The following GABRA2 variants were observed in gnomAD, a reference collection of about 807,000 sequenced individuals.
The protein encoded by GABRA2 is gamma-aminobutyric acid type A receptor subunit alpha2.
In GABRA2, 16 loss-of-function variants were observed where a neutral mutation model predicts 48.7. The observed-to-expected ratio is 0.33, with a 90% confidence interval of 0.22 to 0.50. The LOEUF (loss-of-function observed/expected upper bound fraction) is 0.50. Among genes scored for constraint, GABRA2 ranks in the 20% least tolerant of loss-of-function variants. The probability of loss-of-function intolerance (pLI) is 0.98; values close to 1 mark genes in which losing one functional copy is unlikely to be tolerated. For synonymous variants in GABRA2, 185 were observed against 184.5 expected, an observed-to-expected ratio of 1.00 and a Z score of -0.02; for missense variants, 275 against 535.6, an observed-to-expected ratio of 0.51 and a Z score of 4.80.
At chr4:46,302,199 G>C (rs1431227000) in intron 8 of GABRA2, among the ~76,000 whole-genome samples, 1 of 151,768 alleles carries the variant, frequency 6.6e-6, no homozygotes, top group East Asian at 1.9e-4. Flanking sequence ...CTCCCAAGTA[G>C]TGGCAACTAT....
intron 7 of GABRA2, among the ~76,000 whole-genome samples, chr4:46,304,472 T>C (rs1366090783): frequency 6.6e-6 from 1 of 152,002 alleles, no homozygotes; most frequent in African/African-American, 2.4e-5. Flanking sequence ...TTTGTTTTTG[T>C]TTTTTTGTCT....
At chr4:46,262,956 AAGAGAGAG>A (rs889064929) in intron 8 of GABRA2, among the ~76,000 whole-genome samples, 8 of 30,960 alleles carry the variant, frequency 2.6e-4, no homozygotes, top group Non-Finnish European at 5.2e-4. Flanking sequence ...GAAAGAAAGA[AAGAGAGAG>A]AGAGAGAGAG....
intron 8 of GABRA2, among the ~76,000 whole-genome samples, chr4:46,285,325 G>T (rs1033379482): frequency 6.6e-6 from 1 of 151,954 alleles, no homozygotes; most frequent in Non-Finnish European, 1.5e-5. Context: ...TATTCAAATA[G>T]TCTGGATTTT....
chr4:46,286,642 C>T (rs1043161467), intron 8 of GABRA2, among the ~76,000 whole-genome samples: 24 of 152,034 alleles, frequency 1.6e-4, no homozygotes, highest in African/African-American at 5.1e-4. Flanking sequence ...TATAGCCAAC[C>T]TAGTGGTTAT....
At chr4:46,321,359 T>C (rs1307824448) in intron 4 of GABRA2, among the ~76,000 whole-genome samples, 1 of 151,952 alleles carries the variant, frequency 6.6e-6, no homozygotes, top group South Asian at 2.1e-4. Flanking sequence ...GAAATGTAAG[T>C]GCTCTTACTG....
chr4:46,303,396 T>G (rs1336622039), intron 8 of GABRA2, 64 bp downstream of exon 8: 4 of 1,447,688 alleles, frequency 2.8e-6, no homozygotes, highest in East Asian at 2.3e-5. Flanking sequence ...TCAAGAGAGA[T>G]AATGTTTTTG....
chr4:46,361,965 C>A (rs911848828), intron 3 of GABRA2, among the ~76,000 whole-genome samples: 1 of 152,188 alleles, frequency 6.6e-6, no homozygotes, highest in African/African-American at 2.4e-5. Flanking sequence ...CCTGTACCCA[C>A]TATTGTATCT....
chr4:46,314,041 G>C (rs1728135429), intron 4 of GABRA2, among the ~76,000 whole-genome samples: 1 of 152,072 alleles, frequency 6.6e-6, no homozygotes, highest in Non-Finnish European at 1.5e-5. Context: ...GCTCTGGGCT[G>C]TTAATCCTTA....
chr4:46,311,095 G>A (rs75392109), intron 5 of GABRA2, among the ~76,000 whole-genome samples: 2,386 of 152,202 alleles, frequency 0.016, 66 homozygotes, highest in African/African-American at 0.055. Flanking sequence ...TATATGTCCT[G>A]TGCCTGCATT....
At chr4:46,303,955 T>C (rs1726191358) in intron 7 of GABRA2, among the ~76,000 whole-genome samples, 3 of 152,210 alleles carry the variant, frequency 2.0e-5, no homozygotes, top group Admixed American at 1.3e-4. Flanking sequence ...TCAAAATATA[T>C]AAAATCTAAC....
At chr4:46,388,508 T>C in intron 2 of GABRA2, 128 bp downstream of exon 2, 2 of 1,095,156 alleles carry the variant, frequency 1.8e-6, no homozygotes, top group South Asian at 3.0e-5. Flanking sequence ...ATAGTTCACT[T>C]TCCCCATACA....
chr4:46,356,826 A>G (rs570815544), intron 3 of GABRA2, among the ~76,000 whole-genome samples: 2 of 152,278 alleles, frequency 1.3e-5, no homozygotes, highest in South Asian at 4.1e-4. Flanking sequence ...CCCATAAATA[A>G]CTATTCACTA....
chr4:46,327,417 T>C (rs1730576404), intron 4 of GABRA2, among the ~76,000 whole-genome samples: 1 of 152,030 alleles, frequency 6.6e-6, no homozygotes, highest in Non-Finnish European at 1.5e-5. Context: ...TGAATGAATG[T>C]TCCCAGTGTC....
chr4:46,274,067 C>A (rs1049370260), intron 8 of GABRA2, among the ~76,000 whole-genome samples: 3 of 152,062 alleles, frequency 2.0e-5, no homozygotes, highest in Non-Finnish European at 4.4e-5. Context: ...ATCTGGAATT[C>A]TATTATTCTG....
At chr4:46,341,400 C>A (rs1202028746) in intron 3 of GABRA2, among the ~76,000 whole-genome samples, 2 of 151,974 alleles carry the variant, frequency 1.3e-5, no homozygotes, top group Middle Eastern at 3.4e-3. Context: ...TGTGCATGTA[C>A]GTGTGCATGT....
intron 9 of GABRA2, among the ~76,000 whole-genome samples, chr4:46,250,906 T>A (rs1336133825): frequency 6.6e-6 from 1 of 151,562 alleles, no homozygotes; most frequent in East Asian, 2.0e-4. Flanking sequence ...TCTTTTCTCA[T>A]GAGTCAGTCA....
At chr4:46,291,976 G>A (rs2109541826) in intron 8 of GABRA2, among the ~76,000 whole-genome samples, 1 of 152,076 alleles carries the variant, frequency 6.6e-6, no homozygotes, top group African/African-American at 2.4e-5. Context: ...ACCTCAAAAT[G>A]CTGAGGACTA....
intron 9 of GABRA2, chr4:46,256,056 A>G: frequency 2.4e-6 from 1 of 422,010 alleles, no homozygotes; most frequent in Non-Finnish European, 4.2e-6. Context: ...TGCTTTTTCT[A>G]CCATACCATG....
intron 8 of GABRA2, among the ~76,000 whole-genome samples, chr4:46,277,555 G>A (rs933493261): frequency 1.3e-5 from 2 of 152,070 alleles, no homozygotes; most frequent in South Asian, 2.1e-4. Context: ...ATCTATCTCC[G>A]TCTAAGGCTG....
Sources: allele counts gnomAD v4.1 joint callset (sites outside exome capture counted in the v4.1 genomes callset), GRCh38; gene constraint gnomAD v4.1.1; transcripts MANE v1.5; gene names NCBI Gene and HGNC (gene_info 2026-07-23, HGNC 2026-07-21).